Variants in BMP2K observed in about 807,000 individuals in gnomAD.
BMP2K encodes the protein BMP-2-inducible protein kinase.
In BMP2K, 74 loss-of-function variants were observed where a neutral mutation model predicts 116.0. The observed-to-expected ratio is 0.64, with a 90% CI of 0.53 to 0.77. BMP2K has a LOEUF of 0.77. Ranked by LOEUF, BMP2K falls within the 30% of genes least tolerant of loss-of-function variation. BMP2K has a pLI of 0.00. For missense variants in BMP2K, 1,365 were observed against 1,403.6 expected, an observed-to-expected ratio of 0.97 and a Z score of 0.44; for synonymous variants, 486 against 502.5, an observed-to-expected ratio of 0.97 and a Z score of 0.44.
At chr4:78,866,645 A>AT (rs781770153) in intron 10 of BMP2K, among the ~76,000 whole-genome samples, 23 of 151,944 alleles carry the variant, frequency 1.5e-4, no homozygotes, top group Non-Finnish European at 1.6e-4. Context: ...TGATGTTTTT[A>AT]TTTTTTATTT....
chr4:78,810,555 C>T (rs1335793365), intron 1 of BMP2K, among the ~76,000 whole-genome samples: 1 of 152,150 alleles, frequency 6.6e-6, no homozygotes, highest in Admixed American at 6.5e-5. Flanking sequence ...AGTCAGGTCA[C>T]ATAAAGACAA....
chr4:78,884,243 C>T (rs1383133532), intron 14 of BMP2K, among the ~76,000 whole-genome samples: 1 of 152,060 alleles, frequency 6.6e-6, no homozygotes, highest in Non-Finnish European at 1.5e-5. Flanking sequence ...TGGAGGATCG[C>T]TTGAACCTGA....
rs535007088 is a variant in BMP2K at position 78,875,639 on chromosome 4, TAGGGGTGGCTTAAC to T, written c.1793+2846_1793+2859del. Among the ~76,000 whole-genome samples, 65 of 152,298 alleles carry T rather than the reference TAGGGGTGGCTTAAC, an allele frequency of 4.3e-4. No individual in the cohort carries two copies. In the East Asian group the frequency reaches 6.9e-3, roughly 16 times the overall value. The stretch of plus-strand genomic sequence containing the variant: ...ACATACTTTCTTTGGATCAGAAATT[TAGGGGTGGCTTAAC>T]AGGGTGGTTGTGTCTGGTAAGGCTG... On this transcript the variant is annotated intron_variant, in intron 13 of 15. Transcript: ENST00000502613.
chr4:78,811,988 T>C (rs1729114863), intron 1 of BMP2K, among the ~76,000 whole-genome samples: 2 of 152,204 alleles, frequency 1.3e-5, no homozygotes, highest in African/African-American at 4.8e-5. Flanking sequence ...TTTTGTTTTT[T>C]TAAAGACAGA....
chr4:78,809,354 GT>G (rs200840236), intron 1 of BMP2K, among the ~76,000 whole-genome samples: 10 of 146,516 alleles, frequency 6.8e-5, no homozygotes, highest in East Asian at 4.0e-4. Context: ...AATCTAAAGT[GT>G]TTTTTTTTTC....
At chr4:78,844,411 A>C (rs954098298) in intron 4 of BMP2K, among the ~76,000 whole-genome samples, 1 of 151,740 alleles carries the variant, frequency 6.6e-6, no homozygotes, top group African/African-American at 2.4e-5. Flanking sequence ...TTTTCAGTGT[A>C]GTATTTTAAA....
At chr4:78,869,298 A>C (rs1360320968) in intron 10 of BMP2K, among the ~76,000 whole-genome samples, 2 of 151,444 alleles carry the variant, frequency 1.3e-5, no homozygotes, top group Non-Finnish European at 2.9e-5. Flanking sequence ...TTTTTTTTTT[A>C]ACCTATAAGT....
intron 13 of BMP2K, among the ~76,000 whole-genome samples, chr4:78,877,374 T>A (rs1732681484): frequency 6.6e-6 from 1 of 152,232 alleles, no homozygotes; most frequent in Non-Finnish European, 1.5e-5. Context: ...TTTCTTTATA[T>A]TCTTATTCTA....
At chr4:78,823,010 G>C (rs191036395) in intron 1 of BMP2K, among the ~76,000 whole-genome samples, 30 of 152,214 alleles carry the variant, frequency 2.0e-4, no homozygotes, top group African/African-American at 7.2e-4. Flanking sequence ...TTATTGAAAA[G>C]ATAGTACTGG....
chr4:78,882,957 C>A (rs1173322213), intron 14 of BMP2K, among the ~76,000 whole-genome samples: 2 of 151,962 alleles, frequency 1.3e-5, no homozygotes, highest in Non-Finnish European at 2.9e-5. Flanking sequence ...ATATATTAGA[C>A]CAGTTTCAGG....
chr4:78,802,369 T>G (rs1197133732), intron 1 of BMP2K, among the ~76,000 whole-genome samples: 1 of 152,218 alleles, frequency 6.6e-6, no homozygotes, highest in African/African-American at 2.4e-5. Context: ...TGTCCAGAAT[T>G]TTAAACACTG....
chr4:78,845,685 A>G (rs1381257127), intron 5 of BMP2K, among the ~76,000 whole-genome samples: 1 of 151,744 alleles, frequency 6.6e-6, no homozygotes, highest in African/African-American at 2.4e-5. Flanking sequence ...GGTTATCTTA[A>G]TAAAGTGATA....
chr4:78,839,109 A>G (rs1730630083), intron 3 of BMP2K, among the ~76,000 whole-genome samples: 1 of 152,196 alleles, frequency 6.6e-6, no homozygotes, highest in African/African-American at 2.4e-5. Context: ...GCATAAAATA[A>G]CTTTCGTTTA....
intron 1 of BMP2K, among the ~76,000 whole-genome samples, chr4:78,823,646 G>C (rs1057005151): frequency 6.7e-6 from 1 of 149,740 alleles, no homozygotes; most frequent in African/African-American, 2.4e-5. Flanking sequence ...AGTTATGTCT[G>C]TATATCTGTA....
chr4:78,910,819 G>C lies in BMP2K; in HGVS notation c.2272G>C (p.Glu758Gln). 9 of 1,613,932 alleles carry C rather than the reference G, an allele frequency of 5.6e-6. No homozygotes were observed. Among genetic ancestry groups the C allele is most frequent in the Non-Finnish European group, 7.6e-6 (9 of 1,179,854 alleles). Residue 758 changes from glutamate (E) to glutamine (Q), a missense_variant, in exon 16 of 16, where the codon GAG becomes CAG. Physicochemically the swap from Glu to Gln is conservative, Grantham distance 29. Around this residue, in one of 3 missense-constraint regions of BMP2K, gnomAD observed 596 missense variants for 623.2 expected, o/e 0.96. Transcript: ENST00000502613. ...TTCTCCTAAGAGCAGTGAAGAGGAA[G>C]AGCAAGATGATGAAGAAGTTCTTCA... ...PPSPKSSEEE[E>Q]QDDEEVLQGE...
chr4:78,834,551 G>A (rs1730371540), intron 3 of BMP2K, among the ~76,000 whole-genome samples: 2 of 152,130 alleles, frequency 1.3e-5, no homozygotes, highest in Admixed American at 6.6e-5. Context: ...ATGAGCTACC[G>A]CGTCTGTCCT....
rs776423103 is a variant in BMP2K, at chr4:78,912,155, G to C, written c.*122G>C. The C allele has an allele frequency of 2.6e-5, 23 of 886,770 alleles. No homozygotes were observed. Among genetic ancestry groups the C allele is most frequent in the Non-Finnish European group, 3.5e-5 (20 of 568,130 alleles). 54.9% of individuals were successfully genotyped at this position (886,770 alleles called of 1,614,324 possible). A position where few individuals can be genotyped will look rare whatever the true frequency, so the allele number is the denominator to read the frequency against. On this transcript the variant is annotated 3_prime_UTR_variant, in exon 16 of 16. Transcript: ENST00000502613. ...CATTCTTAAAGATCAGTCAGAATAG[G>C]TGATTTCTAAATAAACCAAATAGAA...
At chr4:78,803,645 C>A (rs372066774) in intron 1 of BMP2K, among the ~76,000 whole-genome samples, 3 of 152,176 alleles carry the variant, frequency 2.0e-5, no homozygotes, top group Non-Finnish European at 4.4e-5. Context: ...TCCCAAATTG[C>A]TGGGATTACA....
chr4:78,887,445 C>G (rs747622187), intron 15 of BMP2K, 161 bp downstream of exon 15: 40 of 609,902 alleles, frequency 6.6e-5, no homozygotes, highest in Non-Finnish European at 1.0e-4. Context: ...ATGTTCTTTG[C>G]ATTGAGTTAT....
Sources: allele counts gnomAD v4.1 joint callset (sites outside exome capture counted in the v4.1 genomes callset), GRCh38; gene constraint gnomAD v4.1.1; regional missense constraint gnomAD v4.1.1; transcripts MANE v1.5; gene names NCBI Gene and HGNC (gene_info 2026-07-23, HGNC 2026-07-21).